SLC4A10: variants seen among roughly 807,000 people sequenced by gnomAD.
The protein encoded by SLC4A10 is solute carrier family 4 member 10, also known as sodium-driven chloride bicarbonate exchanger.
In SLC4A10, 42 loss-of-function variants were observed where a neutral mutation model predicts 137.7. The observed-to-expected ratio is 0.30, with a 90% CI of 0.24 to 0.39. The LOEUF (loss-of-function observed/expected upper bound fraction) is 0.39. Among genes scored for constraint, SLC4A10 ranks in the 10% least tolerant of loss-of-function variants. The probability of loss-of-function intolerance (pLI) is 1.00; values close to 1 mark genes in which losing one functional copy is unlikely to be tolerated. For synonymous variants in SLC4A10, 474 were observed against 464.1 expected (o/e 1.02, Z -0.27); for missense variants, 925 against 1,355.0 (o/e 0.68, Z 4.98).
At chr2:161,935,044 T>C (rs1034219628) in intron 15 of SLC4A10, among the ~76,000 whole-genome samples, 1 of 152,190 alleles carries the variant, frequency 6.6e-6, no homozygotes, top group Non-Finnish European at 1.5e-5. Context: ...TGGTTTTAGG[T>C]ATTTAATCCT....
intron 1 of SLC4A10, among the ~76,000 whole-genome samples, chr2:161,766,623 A>G (rs182313606): frequency 6.6e-6 from 1 of 152,182 alleles, no homozygotes; most frequent in East Asian, 1.9e-4. Flanking sequence ...ATATTTGACT[A>G]TGTCTTGCAA....
intron 8 of SLC4A10, among the ~76,000 whole-genome samples, chr2:161,876,011 A>G (rs1390470990): frequency 1.3e-5 from 2 of 152,056 alleles, no homozygotes; most frequent in Non-Finnish European, 2.9e-5. Flanking sequence ...GACACTTCCA[A>G]TTTCACCTTG....
chr2:161,893,595 A>G (rs925450000), intron 10 of SLC4A10, among the ~76,000 whole-genome samples: 1 of 151,948 alleles, frequency 6.6e-6, no homozygotes, highest in East Asian at 1.9e-4. Context: ...GCTACTTGGA[A>G]GACAGGAGCT....
At chr2:161,710,337 T>C (rs1325193282) in intron 1 of SLC4A10, among the ~76,000 whole-genome samples, 1 of 151,810 alleles carries the variant, frequency 6.6e-6, no homozygotes, top group Non-Finnish European at 1.5e-5. Context: ...GGGATTCCTC[T>C]TGGTATTGGT....
At chr2:161,847,141 G>T (rs1346869322) in intron 4 of SLC4A10, among the ~76,000 whole-genome samples, 1 of 151,864 alleles carries the variant, frequency 6.6e-6, no homozygotes, top group Admixed American at 6.6e-5. Flanking sequence ...TACTTGGAAG[G>T]CTGAGGTGGA....
At chr2:161,962,351 G>A (rs752019037) in intron 21 of SLC4A10, among the ~76,000 whole-genome samples, 2 of 152,110 alleles carry the variant, frequency 1.3e-5, no homozygotes, top group Non-Finnish European at 2.9e-5. Context: ...CCCACACACT[G>A]AAGTACACTT....
Position 161,671,423 on chromosome 2 carries a change from C to T in SLC4A10, c.48+46857C>T, listed in dbSNP as rs550916508. Among the ~76,000 whole-genome samples, 5 of 152,232 alleles carry T rather than the reference C, an allele frequency of 3.3e-5. No individual in the cohort carries two copies. In the South Asian group the frequency reaches 6.2e-4, roughly 19 times the overall value. On this transcript the variant is annotated intron_variant, in intron 1 of 26. Transcript: ENST00000446997. Reference sequence around the variant, plus strand: ...ATTTTGTTATAGCAACACTAATAGACGGAGACAATCAGTTGATGTGATTAG... The same window carrying T: ...ATTTTGTTATAGCAACACTAATAGATGGAGACAATCAGTTGATGTGATTAG...
chr2:161,782,604 C>A (rs193279719), intron 2 of SLC4A10, among the ~76,000 whole-genome samples: 1 of 150,876 alleles, frequency 6.6e-6, no homozygotes, highest in Non-Finnish European at 1.5e-5. Context: ...GATAAGAGAA[C>A]GTTGCATGAA....
intron 11 of SLC4A10, among the ~76,000 whole-genome samples, chr2:161,897,449 A>G (rs2063618948): frequency 6.6e-6 from 1 of 152,090 alleles, no homozygotes; most frequent in Non-Finnish European, 1.5e-5. Context: ...CAGCCCTGGA[A>G]TTAGAAATTT....
chr2:161,676,533 C>T (rs973055502), intron 1 of SLC4A10, among the ~76,000 whole-genome samples: 2 of 152,022 alleles, frequency 1.3e-5, no homozygotes, highest in African/African-American at 2.4e-5. Flanking sequence ...GTAGCTGAGA[C>T]AGATTTTTAA....
chr2:161,936,408 G>A (rs1691598030), intron 15 of SLC4A10, among the ~76,000 whole-genome samples: 2 of 152,094 alleles, frequency 1.3e-5, no homozygotes, highest in Admixed American at 1.3e-4. Flanking sequence ...AAGCCATCAG[G>A]TCGTGGGCTT....
intron 1 of SLC4A10, among the ~76,000 whole-genome samples, chr2:161,732,141 G>A (rs1008513852): frequency 6.6e-6 from 1 of 152,056 alleles, no homozygotes; most frequent in Non-Finnish European, 1.5e-5. Flanking sequence ...CTGTTTTTTG[G>A]AGTTTTTATG....
chr2:161,731,515 A>G (rs373229819), intron 1 of SLC4A10, among the ~76,000 whole-genome samples: 3 of 152,200 alleles, frequency 2.0e-5, no homozygotes, highest in African/African-American at 4.8e-5. Context: ...TCATAGCAAC[A>G]CTGTGAAACT....
At chr2:161,813,854 T>C (rs976369634) in intron 3 of SLC4A10, among the ~76,000 whole-genome samples, 1 of 152,100 alleles carries the variant, frequency 6.6e-6, no homozygotes, top group Non-Finnish European at 1.5e-5. Flanking sequence ...TGACTGCATT[T>C]GAGAATTCTA....
At chr2:161,671,046 A>T (rs991629095) in intron 1 of SLC4A10, among the ~76,000 whole-genome samples, 1 of 152,166 alleles carries the variant, frequency 6.6e-6, no homozygotes, top group African/African-American at 2.4e-5. Context: ...GTTGGTAAAT[A>T]TCAGTTCTAT....
chr2:161,628,371 A>G (rs527522414), intron 1 of SLC4A10, among the ~76,000 whole-genome samples: 37 of 152,198 alleles, frequency 2.4e-4, no homozygotes, highest in African/African-American at 8.9e-4. Flanking sequence ...ACTACAGTAA[A>G]GTTCACTTTT....
chr2:161,658,821 C>A (rs555842658), intron 1 of SLC4A10, among the ~76,000 whole-genome samples: 1 of 152,000 alleles, frequency 6.6e-6, no homozygotes, highest in Admixed American at 6.6e-5. Flanking sequence ...AAACTCCTGA[C>A]CTCAAGTGAT....
chr2:161,835,546 A>G (rs1461960533), intron 3 of SLC4A10, among the ~76,000 whole-genome samples: 1 of 152,190 alleles, frequency 6.6e-6, no homozygotes, highest in African/African-American at 2.4e-5. Flanking sequence ...TAATTGACTT[A>G]TTAGTTTTGT....
At chr2:161,808,589 T>G (rs900511197) in intron 3 of SLC4A10, among the ~76,000 whole-genome samples, 4 of 152,104 alleles carry the variant, frequency 2.6e-5, no homozygotes, top group African/African-American at 9.7e-5. Context: ...CTCTGGTGAT[T>G]CCCAGTGCCT....
Sources: allele counts gnomAD v4.1 joint callset (sites outside exome capture counted in the v4.1 genomes callset), GRCh38; gene constraint gnomAD v4.1.1; transcripts MANE v1.5; gene names NCBI Gene and HGNC (gene_info 2026-07-23, HGNC 2026-07-21).